Variants in SRGAP3 observed in about 807,000 individuals in gnomAD.
SRGAP3 encodes the protein SLIT-ROBO Rho GTPase-activating protein 3.
SRGAP3 carries 39 observed loss-of-function variants against 121.1 expected under a neutral mutation model. The observed-to-expected ratio is 0.32, with a 90% confidence interval of 0.25 to 0.42. SRGAP3 has a LOEUF of 0.42. Ranked by LOEUF, SRGAP3 falls within the 10% of genes least tolerant of loss-of-function variation. The pLI, the probability that SRGAP3 is intolerant of heterozygous loss-of-function variation, is 1.00. For missense variants in SRGAP3, 1,213 were observed against 1,470.6 expected, an observed-to-expected ratio of 0.82 and a Z score of 2.86; for synonymous variants, 601 against 570.0, an observed-to-expected ratio of 1.05 and a Z score of -0.77.
At chr3:9,256,667 C>G (rs762111958) in intron 3 of SRGAP3, 1 of 395,582 alleles carries the variant, frequency 2.5e-6, no homozygotes, top group Non-Finnish European at 4.5e-6. Flanking sequence ...CTCCCCATCC[C>G]TCATCCACTC....
intron 14 of SRGAP3, among the ~76,000 whole-genome samples, chr3:9,018,244 C>T (rs1194540617): frequency 6.6e-6 from 1 of 152,100 alleles, no homozygotes; most frequent in South Asian, 2.1e-4. Context: ...TTTTCTTTTT[C>T]CATTCATGCA....
chr3:9,043,607 C>G (rs2125128178), intron 10 of SRGAP3, among the ~76,000 whole-genome samples: 1 of 152,220 alleles, frequency 6.6e-6, no homozygotes, highest in Non-Finnish European at 1.5e-5. Flanking sequence ...ATCCCACAAC[C>G]AGCATCTTTA....
rs568885295 is a variant in SRGAP3, at chr3:9,316,011, C to T, written n.442+9999G>A. Among the ~76,000 whole-genome samples, 20 of 152,310 alleles carry T rather than the reference C, an allele frequency of 1.3e-4. No individual in the cohort carries two copies. In the East Asian group the frequency reaches 2.7e-3, roughly 21 times the overall value. Reference sequence around the variant, plus strand: ...ACGAAAGTGGATCACAGGTTAGAGTCAAACAGTGCTTGGTTTTGTTGAATA... The same window carrying T: ...ACGAAAGTGGATCACAGGTTAGAGTTAAACAGTGCTTGGTTTTGTTGAATA... On this transcript the variant is annotated intron_variant and non_coding_transcript_variant, in intron 3 of 3. Coordinates refer to the SRGAP3 transcript ENST00000490889.
intron 3 of SRGAP3, among the ~76,000 whole-genome samples, chr3:9,305,071 A>G (rs932304596): frequency 3.3e-5 from 5 of 152,216 alleles, no homozygotes; most frequent in African/African-American, 1.2e-4. Context: ...TGACGCTAAG[A>G]CAAAATTAGA....
intron 1 of SRGAP3, among the ~76,000 whole-genome samples, chr3:9,155,921 T>C (rs1033859718): frequency 2.0e-5 from 3 of 152,214 alleles, no homozygotes; most frequent in Non-Finnish European, 4.4e-5. Flanking sequence ...GTTCACGCCA[T>C]TCTCCTGCCT....
At chr3:9,115,497 G>C (rs949562848) in intron 2 of SRGAP3, among the ~76,000 whole-genome samples, 2 of 152,194 alleles carry the variant, frequency 1.3e-5, no homozygotes, top group African/African-American at 4.8e-5. Flanking sequence ...TTGCTGATTA[G>C]AGTCTCTGAG....
intron 1 of SRGAP3, among the ~76,000 whole-genome samples, chr3:9,223,481 T>C (rs1382776979): frequency 2.6e-5 from 4 of 152,248 alleles, no homozygotes; most frequent in Non-Finnish European, 5.9e-5. Context: ...GAATGTTTTC[T>C]ACACTTATTT....
chr3:9,034,854 G>A (rs1477028745), intron 11 of SRGAP3: 1 of 152,138 alleles, frequency 6.6e-6, no homozygotes, highest in Non-Finnish European at 1.5e-5. Flanking sequence ...TTTAAGTTTG[G>A]GGATTAGAAA....
intron 9 of SRGAP3, among the ~76,000 whole-genome samples, chr3:9,047,923 G>A (rs556618982): frequency 1.9e-4 from 29 of 152,344 alleles, no homozygotes; most frequent in African/African-American, 6.5e-4. Context: ...GAGGAGCCTC[G>A]GAACGAGTCT....
chr3:9,312,806 G>A (rs543472161), intron 3 of SRGAP3, among the ~76,000 whole-genome samples: 7 of 152,178 alleles, frequency 4.6e-5, no homozygotes, highest in Admixed American at 6.5e-5. Flanking sequence ...GCAACATAGC[G>A]AGACCCTGTC....
At position 9,027,013 on chromosome 3, in the gene SRGAP3, T is replaced by TGTGA; in HGVS notation, c.1540-22_1540-19dup. 4.3e-6 allele frequency: 7 copies of TGTGA among 1,613,832 alleles called. No individual in the cohort carries two copies. Among genetic ancestry groups the TGTGA allele is most frequent in the Non-Finnish European group, 5.1e-6 (6 of 1,179,838 alleles). On this transcript the variant is annotated intron_variant, in intron 12 of 21. Transcript: ENST00000383836. ...CCTGAATCCTTGAGAAAAGAAAAAT[T>TGTGA]GTGAGTTTTATGGGGCTTGACAACC...
intron 14 of SRGAP3, among the ~76,000 whole-genome samples, chr3:9,022,171 G>A (rs1479884243): frequency 6.6e-6 from 1 of 152,068 alleles, no homozygotes; most frequent in African/African-American, 2.4e-5. Context: ...TACCAAAAAT[G>A]TAAAAAATTA....
chr3:9,259,009 G>T (rs1030510537), intron 3 of SRGAP3, among the ~76,000 whole-genome samples: 10 of 152,152 alleles, frequency 6.6e-5, no homozygotes, highest in African/African-American at 2.4e-4. Context: ...TTGGGCATCC[G>T]CCTCGCTCCT....
chr3:9,261,807 C>T (rs1386543601), intron 3 of SRGAP3, among the ~76,000 whole-genome samples: 1 of 150,538 alleles, frequency 6.6e-6, no homozygotes, highest in East Asian at 1.9e-4. Flanking sequence ...CTTCCCCAAC[C>T]TAGCAAGACA....
rs143070006 is a variant in SRGAP3, at chr3:9,226,131, C to T, written c.67+22754G>A. On this transcript the variant is annotated intron_variant, in intron 1 of 21. Transcript: ENST00000383836. ...TGCCCCGCAACCCCAACCCCCGACC[C>T]CTATCTCTGAGAAATAAGGCAGGGG... Among the ~76,000 whole-genome samples, 164 of 152,272 alleles carry T rather than the reference C, an allele frequency of 1.1e-3. 1 individual carries two copies. The East Asian group carries it at 0.028, about 26-fold the overall frequency.
intron 18 of SRGAP3, among the ~76,000 whole-genome samples, chr3:9,008,624 C>A (rs944532401): frequency 1.3e-5 from 2 of 152,146 alleles, no homozygotes; most frequent in African/African-American, 4.8e-5. Context: ...AAAAGCAAAT[C>A]ACCAGGAATA....
At chr3:9,189,264 T>C (rs1951685450) in intron 1 of SRGAP3, among the ~76,000 whole-genome samples, 1 of 152,228 alleles carries the variant, frequency 6.6e-6, no homozygotes, top group African/African-American at 2.4e-5. Context: ...AGACCTTCCG[T>C]AAAACTGTCT....
chr3:9,062,833 T>G (rs890753481), intron 5 of SRGAP3, among the ~76,000 whole-genome samples: 1 of 152,234 alleles, frequency 6.6e-6, no homozygotes. Flanking sequence ...CTGCTATTCA[T>G]GTACAAGTCT....
chr3:9,271,519 C>T lies in SRGAP3; in HGVS notation n.442+54491G>A, dbSNP rs541871268. ...CCTCCCTGTGGATAATTCAGAAGGACCCTCCCGGTTTCAGAACTTCCCATG... is the reference window on the plus strand; with the variant it reads ...CCTCCCTGTGGATAATTCAGAAGGATCCTCCCGGTTTCAGAACTTCCCATG... On this transcript the variant is annotated intron_variant and non_coding_transcript_variant, in intron 3 of 3. Coordinates refer to the SRGAP3 transcript ENST00000490889. 7.2e-4 allele frequency among the ~76,000 whole-genome samples: 109 copies of T among 152,236 alleles called. 1 individual carries two copies. Among genetic ancestry groups the T allele is most frequent in the African/African-American group, 2.6e-3 (108 of 41,538 alleles).
Sources: gnomAD v4.1 joint callset for allele counts (sites outside exome capture counted in the v4.1 genomes callset) on GRCh38, gnomAD v4.1.1 for gene constraint, MANE v1.5 for transcripts, NCBI Gene and HGNC (gene_info 2026-07-23, HGNC 2026-07-21) for gene names.